BMERB1: variants seen among roughly 807,000 people sequenced by gnomAD.
The protein encoded by BMERB1 is bMERB domain-containing protein 1.
BMERB1 carries 12 observed loss-of-function variants against 23.6 expected under a neutral mutation model. The observed-to-expected ratio is 0.51, with a 90% CI of 0.33 to 0.82. BMERB1 has a LOEUF of 0.82. Ranked by LOEUF, BMERB1 falls within the 40% of genes least tolerant of loss-of-function variation. The probability of loss-of-function intolerance (pLI) is 0.03; values close to 1 mark genes in which losing one functional copy is unlikely to be tolerated. For missense variants in BMERB1, 247 were observed against 255.4 expected (o/e 0.97, Z 0.22); for synonymous variants, 122 against 96.6 (o/e 1.26, Z -1.54).
intron 1 of BMERB1, among the ~76,000 whole-genome samples, chr16:15,447,224 A>G (rs2050997764): frequency 6.6e-6 from 1 of 152,140 alleles, no homozygotes. Context: ...GATTTGATTG[A>G]CTCACAGTTC....
chr16:15,469,404 A>G (rs564479820), intron 1 of BMERB1, among the ~76,000 whole-genome samples: 34 of 152,222 alleles, frequency 2.2e-4, no homozygotes, highest in African/African-American at 8.2e-4. Flanking sequence ...AGCTGTAGGT[A>G]TATGTAATCA....
At chr16:15,471,596 C>CCT (rs1012225385) in intron 1 of BMERB1, among the ~76,000 whole-genome samples, 2 of 151,692 alleles carry the variant, frequency 1.3e-5, no homozygotes, top group Non-Finnish European at 2.9e-5. Context: ...TGCTTTGTGT[C>CCT]CTCTCTCTCA....
At chr16:15,584,626 A>T (rs2150978776) in intron 5 of BMERB1, among the ~76,000 whole-genome samples, 2 of 152,122 alleles carry the variant, frequency 1.3e-5, no homozygotes, top group Middle Eastern at 3.4e-3. Flanking sequence ...CAAAAAAAGG[A>T]ATTTGTTGGA....
intron 2 of BMERB1, among the ~76,000 whole-genome samples, chr16:15,534,286 C>CAAAAA (rs1168488547): frequency 4.7e-3 from 195 of 41,894 alleles, no homozygotes; most frequent in East Asian, 0.017. Context: ...TTTTTAATTG[C>CAAAAA]AAAAAAAAAA....
intron 1 of BMERB1, among the ~76,000 whole-genome samples, chr16:15,441,200 A>G (rs182943443): frequency 1.3e-5 from 2 of 152,258 alleles, no homozygotes; most frequent in Non-Finnish European, 2.9e-5. Context: ...TCAAGGGACT[A>G]ACATGAACTG....
intron 3 of BMERB1, among the ~76,000 whole-genome samples, chr16:15,574,297 T>C (rs1253938570): frequency 6.6e-6 from 1 of 152,152 alleles, no homozygotes; most frequent in East Asian, 1.9e-4. Context: ...TGGTCTCTCC[T>C]TTGACACGTG....
At chr16:15,524,932 C>A (rs925277988) in intron 2 of BMERB1, among the ~76,000 whole-genome samples, 3 of 152,174 alleles carry the variant, frequency 2.0e-5, no homozygotes, top group Admixed American at 2.0e-4. Context: ...CACCTCTGAA[C>A]CACCTAGACT....
At chr16:15,444,134 T>TTTTTTTTTTTTTTTTTTTTTTTTTG in intron 1 of BMERB1, among the ~76,000 whole-genome samples, 1 of 117,916 alleles carries the variant, frequency 8.5e-6, no homozygotes, top group Non-Finnish European at 1.8e-5. Context: ...TTTTTTTTTT[T>TTTTTTTTTTTTTTTTTTTTTTTTTG]TTTTTTTTTT....
At chr16:15,551,679 T>C (rs2150966380) in intron 2 of BMERB1, among the ~76,000 whole-genome samples, 1 of 152,312 alleles carries the variant, frequency 6.6e-6, no homozygotes, top group South Asian at 2.1e-4. Context: ...CTGACACTGC[T>C]GTAAAGATAC....
At chr16:15,494,877 CTTTTTTTTTTTTTT>C (rs754135430) in intron 1 of BMERB1, among the ~76,000 whole-genome samples, 2 of 95,176 alleles carry the variant, frequency 2.1e-5, no homozygotes, top group Non-Finnish European at 4.1e-5. Flanking sequence ...TTTTTTTTAT[CTTTTTTTTTTTTTT>C]TTTTTTTTTT....
chr16:15,581,645 A>G (rs2031016505), intron 4 of BMERB1, among the ~76,000 whole-genome samples: 1 of 152,084 alleles, frequency 6.6e-6, no homozygotes, highest in African/African-American at 2.4e-5. Flanking sequence ...ATGTCTTGAA[A>G]CTTCTGCTAT....
At chr16:15,457,787 A>G (rs954244635) in intron 1 of BMERB1, among the ~76,000 whole-genome samples, 27 of 152,210 alleles carry the variant, frequency 1.8e-4, no homozygotes, top group Admixed American at 9.2e-4. Flanking sequence ...ACGCTGCTAT[A>G]AAGAAATACC....
intron 1 of BMERB1, among the ~76,000 whole-genome samples, chr16:15,509,959 G>A (rs537982027): frequency 1.3e-5 from 2 of 152,148 alleles, no homozygotes; most frequent in South Asian, 4.1e-4. Context: ...AGAGCCACCC[G>A]GAGGAAGAAC....
At chr16:15,531,154 A>G (rs112005487) in intron 2 of BMERB1, among the ~76,000 whole-genome samples, 7,100 of 151,740 alleles carry the variant, frequency 0.047, 530 homozygotes, top group African/African-American at 0.15. Context: ...TGATCCGCCC[A>G]CCTCAGCCTC....
At chr16:15,562,539 T>C (rs1051578393) in intron 2 of BMERB1, among the ~76,000 whole-genome samples, 3 of 152,122 alleles carry the variant, frequency 2.0e-5, no homozygotes, top group African/African-American at 7.2e-5. Flanking sequence ...AACTTCAGTG[T>C]GATTGACATG....
intron 1 of BMERB1, among the ~76,000 whole-genome samples, chr16:15,497,596 G>A (rs2051485754): frequency 6.6e-6 from 1 of 152,172 alleles, no homozygotes; most frequent in Admixed American, 6.5e-5. Flanking sequence ...TATAATAAAT[G>A]TGTGTTGTTT....
At chr16:15,491,047 G>A (rs1004344686) in intron 1 of BMERB1, among the ~76,000 whole-genome samples, 4 of 151,978 alleles carry the variant, frequency 2.6e-5, no homozygotes, top group Non-Finnish European at 5.9e-5. Flanking sequence ...ATGAGGTCTT[G>A]ATATATTGCC....
intron 1 of BMERB1, among the ~76,000 whole-genome samples, chr16:15,475,830 T>A (rs1368987629): frequency 6.6e-6 from 1 of 152,142 alleles, no homozygotes; most frequent in African/African-American, 2.4e-5. Context: ...CTGTCAATGA[T>A]GTGTGAAAAT....
intron 2 of BMERB1, among the ~76,000 whole-genome samples, chr16:15,550,523 A>G (rs1397949888): frequency 6.7e-6 from 1 of 148,770 alleles, no homozygotes; most frequent in East Asian, 2.0e-4. Flanking sequence ...TTTTAAGTAG[A>G]GACGGGGTTT....
Sources: allele counts gnomAD v4.1 joint callset (sites outside exome capture counted in the v4.1 genomes callset), GRCh38; gene constraint gnomAD v4.1.1; transcripts MANE v1.5; gene names NCBI Gene and HGNC (gene_info 2026-07-23, HGNC 2026-07-21).